The following FUT8 variants were observed in gnomAD, a reference collection of about 807,000 sequenced individuals.
FUT8 encodes the protein alpha-(1,6)-fucosyltransferase.
FUT8 carries 29 observed loss-of-function variants against 71.3 expected under a neutral mutation model. The observed-to-expected ratio is 0.41, with a 90% CI of 0.30 to 0.55. The LOEUF (loss-of-function observed/expected upper bound fraction) is 0.55, where lower values mean the gene tolerates loss of function less well. FUT8 is among the 20% of genes least tolerant of loss of function. The pLI, the probability that FUT8 is intolerant of heterozygous loss-of-function variation, is 0.34. For missense variants in FUT8, 544 were observed against 702.1 expected (o/e 0.77, Z 2.55); for synonymous variants, 254 against 239.3 (o/e 1.06, Z -0.57).
chr14:65,378,592 G>C, the FUT8 span, among the ~76,000 whole-genome samples: 1 of 152,092 alleles, frequency 6.6e-6, no homozygotes, highest in South Asian at 2.1e-4. Context: ...TCACCTGAAA[G>C]CTATTTATTT....
chr14:65,636,197 G>T (rs1017805442), intron 6 of FUT8, among the ~76,000 whole-genome samples: 28 of 151,844 alleles, frequency 1.8e-4, no homozygotes, highest in African/African-American at 6.1e-4. Context: ...CTCCTGTTTT[G>T]TTTCTTATTG....
intron 3 of FUT8, among the ~76,000 whole-genome samples, chr14:65,613,069 A>C (rs73286174): frequency 0.026 from 3,942 of 150,892 alleles, 159 homozygotes; most frequent in African/African-American, 0.085. Flanking sequence ...CAGTTGGATT[A>C]GATTATTAGG....
chr14:65,416,903 C>A (rs2065227902), intron 1 of FUT8, among the ~76,000 whole-genome samples: 1 of 151,372 alleles, frequency 6.6e-6, no homozygotes, highest in Admixed American at 6.6e-5. Flanking sequence ...CCCGCCTTAG[C>A]CTCTGGAGTA....
intron 2 of FUT8, among the ~76,000 whole-genome samples, chr14:65,555,830 T>G (rs1205183896): frequency 6.6e-6 from 1 of 152,230 alleles, no homozygotes; most frequent in Non-Finnish European, 1.5e-5. Context: ...GAGATGGAAC[T>G]CTGTTTAGCA....
rs543514463 is a variant in FUT8, at chr14:65,634,219, A to G, written c.597+4613A>G. On this transcript the variant is annotated intron_variant, in intron 6 of 10. Transcript: ENST00000673929. Reference sequence around the variant, plus strand: ...AGACTTTTCATTTTGTTCTGTACTAAGAAAAATTCTTCTGCCTTGGGATCC... The same window carrying G: ...AGACTTTTCATTTTGTTCTGTACTAGGAAAAATTCTTCTGCCTTGGGATCC... Among the ~76,000 whole-genome samples the G allele has an allele frequency of 4.1e-3, 627 of 152,188 alleles. 6 individuals carry two copies. The highest frequency in any genetic ancestry group is 0.01 in the Middle Eastern group (3 of 294).
chr14:65,649,029 T>A (rs1333212247), intron 6 of FUT8, among the ~76,000 whole-genome samples: 1 of 152,256 alleles, frequency 6.6e-6, no homozygotes, highest in East Asian at 1.9e-4. Context: ...TTCTCTCAAC[T>A]ATTCCATGTA....
intron 7 of FUT8, among the ~76,000 whole-genome samples, chr14:65,704,332 G>A (rs1367754129): frequency 8.5e-6 from 1 of 117,444 alleles, no homozygotes; most frequent in East Asian, 2.9e-4. Flanking sequence ...CTTAAGAGTG[G>A]AATTGTGATT....
At chr14:65,520,001 A>G (rs948793681) in intron 2 of FUT8, among the ~76,000 whole-genome samples, 1 of 151,698 alleles carries the variant, frequency 6.6e-6, no homozygotes, top group Non-Finnish European at 1.5e-5. Context: ...CTGGTCTCAG[A>G]CTCCTGGGCT....
rs1293523695 is a variant in FUT8 at position 65,629,571 on chromosome 14, A to G, written c.562A>G (p.Thr188Ala). Reference sequence around the variant, plus strand: ...GCGGGAAAAAGAGGCCAAAGATCTGACAGAACTGGTTCAGCGGAGAATAAC... The same window carrying G: ...GCGGGAAAAAGAGGCCAAAGATCTGGCAGAACTGGTTCAGCGGAGAATAAC... ...DWREKEAKDL[T>A]ELVQRRITYL... The change falls in exon 6 of 11, where the codon ACA becomes GCA. Residue 188 changes from threonine to alanine, a missense_variant. Transcript: ENST00000673929. The G allele has an allele frequency of 1.9e-6, 3 of 1,613,724 alleles. No individual in the cohort carries two copies. In the African/African-American group the frequency reaches 4.0e-5, roughly 22 times the overall value.
At chr14:65,532,796 T>C (rs951959884) in intron 2 of FUT8, among the ~76,000 whole-genome samples, 9 of 152,186 alleles carry the variant, frequency 5.9e-5, no homozygotes, top group African/African-American at 2.2e-4. Context: ...TAATCCGTCT[T>C]GAGTTGATTT....
At chr14:65,616,846 A>ATTT (rs1459195986) in intron 5 of FUT8, among the ~76,000 whole-genome samples, 42 of 152,146 alleles carry the variant, frequency 2.8e-4, no homozygotes, top group Admixed American at 5.2e-4. Context: ...TCTTTAAGTA[A>ATTT]AAAGGAGCAT....
At chr14:65,741,257 G>A (rs567042061) in intron 10 of FUT8, among the ~76,000 whole-genome samples, 43 of 151,956 alleles carry the variant, frequency 2.8e-4, no homozygotes, top group African/African-American at 9.4e-4. Flanking sequence ...AGTAATCAGG[G>A]TGATGCATTT....
At chr14:65,641,579 A>G (rs879808050) in intron 6 of FUT8, among the ~76,000 whole-genome samples, 2 of 152,062 alleles carry the variant, frequency 1.3e-5, no homozygotes, top group Non-Finnish European at 2.9e-5. Flanking sequence ...TTTTTAAGAA[A>G]CTGTTTGAAC....
the FUT8 span, among the ~76,000 whole-genome samples, chr14:65,358,002 G>A: frequency 5.9e-5 from 9 of 152,160 alleles, no homozygotes; most frequent in African/African-American, 2.2e-4. Flanking sequence ...TTTCTTAGAA[G>A]CAGAGAGTAG....
chr14:65,610,769 G>C (rs1888845084), intron 3 of FUT8, among the ~76,000 whole-genome samples: 1 of 151,728 alleles, frequency 6.6e-6, no homozygotes, highest in African/African-American at 2.4e-5. Context: ...AATGTGTTTT[G>C]TAAAATTTTG....
chr14:65,545,158 T>A (rs180852617), intron 2 of FUT8, among the ~76,000 whole-genome samples: 2 of 152,214 alleles, frequency 1.3e-5, no homozygotes, highest in East Asian at 3.9e-4. Context: ...CCTTTCTACT[T>A]CTTTCTTACA....
chr14:65,673,214 C>T (rs570791357), intron 7 of FUT8, among the ~76,000 whole-genome samples: 1 of 152,276 alleles, frequency 6.6e-6, no homozygotes, highest in South Asian at 2.1e-4. Context: ...GAACAGTTAC[C>T]TTCTCTCCAT....
Position 65,623,015 on chromosome 14 carries a change from C to T in FUT8, c.483-6477C>T, listed in dbSNP as rs535228229. Among the ~76,000 whole-genome samples, 43 of 151,748 alleles carry T rather than the reference C, an allele frequency of 2.8e-4. 1 individual carries two copies. Among genetic ancestry groups the T allele is most frequent in the Admixed American group, 2.6e-3 (39 of 15,242 alleles). On this transcript the variant is annotated intron_variant, in intron 5 of 10. Coordinates refer to ENST00000673929, the MANE Select transcript of FUT8 (RefSeq NM_001371533.1). ...AAGTGATCCTCCTGCCTCAGCCTCCCGAGTAGCTGGGACTATAGGCGTGTG... is the reference window on the plus strand; with the variant it reads ...AAGTGATCCTCCTGCCTCAGCCTCCTGAGTAGCTGGGACTATAGGCGTGTG...
At chr14:65,360,156 T>C in the FUT8 span, among the ~76,000 whole-genome samples, 1 of 152,208 alleles carries the variant, frequency 6.6e-6, no homozygotes, top group African/African-American at 2.4e-5. Context: ...TACCTTATGT[T>C]GTGGGACTAG....
Sources: gnomAD v4.1 joint callset for allele counts (sites outside exome capture counted in the v4.1 genomes callset) on GRCh38, gnomAD v4.1.1 for gene constraint, MANE v1.5 for transcripts, NCBI Gene and HGNC (gene_info 2026-07-23, HGNC 2026-07-21) for gene names.